Variants in MACROD2 observed in about 807,000 individuals in gnomAD.
MACROD2 encodes the protein mono-ADP ribosylhydrolase 2.
MACROD2 carries 36 observed loss-of-function variants against 70.4 expected under a neutral mutation model. The observed-to-expected ratio is 0.51, with a 90% confidence interval of 0.39 to 0.68. MACROD2 has a LOEUF of 0.68. MACROD2 is among the 30% of genes least tolerant of loss of function. MACROD2 has a pLI of 0.00. For missense variants in MACROD2, 496 were observed against 538.4 expected (o/e 0.92, Z 0.78); for synonymous variants, 172 against 178.8 (o/e 0.96, Z 0.30).
chr20:15,875,661 G>C (rs767448806), intron 9 of MACROD2, among the ~76,000 whole-genome samples: 1 of 151,896 alleles, frequency 6.6e-6, no homozygotes. Context: ...CCCTTCCAAC[G>C]GAGGGGAGTG....
chr20:15,272,648 A>G (rs1263352187), intron 6 of MACROD2, among the ~76,000 whole-genome samples: 1 of 152,166 alleles, frequency 6.6e-6, no homozygotes, highest in Non-Finnish European at 1.5e-5. Context: ...ATTTACATTT[A>G]TTACGTGGAT....
chr20:15,206,347 T>C (rs927573838), intron 5 of MACROD2, among the ~76,000 whole-genome samples: 30 of 152,184 alleles, frequency 2.0e-4, no homozygotes, highest in Admixed American at 6.5e-5. Context: ...TTGAAAATCA[T>C]AGGTTGGAAC....
intron 9 of MACROD2, among the ~76,000 whole-genome samples, chr20:15,876,707 T>G (rs562664671): frequency 8.5e-5 from 13 of 152,324 alleles, no homozygotes; most frequent in South Asian, 2.1e-4. Flanking sequence ...CCACAATGGT[T>G]GAACTAGTTT....
chr20:15,257,413 T>C (rs556629369), intron 6 of MACROD2, among the ~76,000 whole-genome samples: 2 of 152,224 alleles, frequency 1.3e-5, no homozygotes, highest in Admixed American at 6.5e-5. Context: ...TATCAAGTGC[T>C]AGGCACCCAT....
intron 5 of MACROD2, among the ~76,000 whole-genome samples, chr20:15,191,137 A>G (rs1418165489): frequency 6.6e-6 from 1 of 152,202 alleles, no homozygotes; most frequent in Admixed American, 6.5e-5. Context: ...AGAGTGAGAC[A>G]GTGAAGCCTG....
At chr20:14,157,205 G>A (rs77622941) in intron 3 of MACROD2, among the ~76,000 whole-genome samples, 1,987 of 152,248 alleles carry the variant, frequency 0.013, 16 homozygotes, top group South Asian at 0.037. Context: ...GCAAGGTATA[G>A]TAGCGCTGAA....
intron 3 of MACROD2, among the ~76,000 whole-genome samples, chr20:14,339,181 T>C (rs2082986614): frequency 1.3e-5 from 2 of 152,204 alleles, no homozygotes; most frequent in Admixed American, 6.5e-5. Context: ...ATGGGTGATA[T>C]CAAAGTAGGT....
Position 14,482,685 on chromosome 20 carries a change from T to C in MACROD2, c.272-10794T>C, listed in dbSNP as rs546785904. ...AGAAGAAAAGGAAACATACGTTCCA[T>C]TGAATTTTCATTAATTTATTGTAAG... On this transcript the variant is annotated intron_variant, in intron 3 of 17. Coordinates refer to ENST00000684519, the MANE Select transcript of MACROD2 (RefSeq NM_001351661.2). Among the ~76,000 whole-genome samples the C allele has an allele frequency of 4.5e-4, 69 of 152,248 alleles. No individual in the cohort carries two copies. In the South Asian group the frequency reaches 0.011, roughly 25 times the overall value.
intron 5 of MACROD2, among the ~76,000 whole-genome samples, chr20:14,823,519 C>T (rs1241193846): frequency 6.6e-6 from 1 of 151,994 alleles, no homozygotes; most frequent in Admixed American, 6.6e-5. Context: ...CTCAAGGTTG[C>T]CTCATGGTTC....
intron 8 of MACROD2, among the ~76,000 whole-genome samples, chr20:15,610,989 A>ATATTTTTTT (rs1600665066): frequency 1.3e-5 from 1 of 79,878 alleles, no homozygotes; most frequent in Non-Finnish European, 2.4e-5. Context: ...TTAGCCAAAA[A>ATATTTTTTT]TCTTTTTTTT....
At chr20:15,129,690 C>G (rs566140219) in intron 5 of MACROD2, among the ~76,000 whole-genome samples, 1 of 152,102 alleles carries the variant, frequency 6.6e-6, no homozygotes. Flanking sequence ...TTTGCTCTCT[C>G]TTACGACTGA....
At chr20:15,098,123 C>T (rs1408449896) in intron 5 of MACROD2, among the ~76,000 whole-genome samples, 1 of 152,154 alleles carries the variant, frequency 6.6e-6, no homozygotes, top group Non-Finnish European at 1.5e-5. Flanking sequence ...GATCTGGTTT[C>T]ATGGCACGAG....
At chr20:15,393,412 C>T (rs566721650) in intron 6 of MACROD2, among the ~76,000 whole-genome samples, 4 of 152,284 alleles carry the variant, frequency 2.6e-5, no homozygotes, top group African/African-American at 9.6e-5. Context: ...CTTCCAGTCA[C>T]GTGTGCTCAA....
At position 15,891,383 on chromosome 20, in the gene MACROD2, TG is replaced by T. The variant is rs1321435852; in HGVS notation, c.775+5574del. 5.3e-5 allele frequency among the ~76,000 whole-genome samples: 8 copies of T among 152,186 alleles called. No individual in the cohort carries two copies. The East Asian group carries it at 1.2e-3, about 22-fold the overall frequency. On this transcript the variant is annotated intron_variant, in intron 10 of 17. Transcript: ENST00000684519. Reference sequence around the variant, plus strand: ...CCCCAATGACATGCTGTGCTAGGCCTGGAATTGGATTTGGATCTTATTCTAA... The same window carrying T: ...CCCCAATGACATGCTGTGCTAGGCCTGAATTGGATTTGGATCTTATTCTAA...
At chr20:14,051,750 A>G in intron 2 of MACROD2, 1 of 432,448 alleles carries the variant, frequency 2.3e-6, no homozygotes, top group Non-Finnish European at 4.6e-6. Context: ...TTGAGTTGAG[A>G]TTAGGAATTG....
In MACROD2 at chr20:15,862,901, T is replaced by A. The variant is rs554549527; in HGVS notation, c.727+75T>A. 3 of 1,112,530 alleles carry A rather than the reference T, an allele frequency of 2.7e-6. No homozygotes were observed. The East Asian group carries it at 7.2e-5, about 27-fold the overall frequency. The allele number at this position is 1,112,530 out of a possible 1,614,324, so 68.9% of individuals were successfully genotyped here. On this transcript the variant is annotated intron_variant, in intron 9 of 17. Coordinates refer to ENST00000684519, the MANE Select transcript of MACROD2 (RefSeq NM_001351661.2). ...GGAGCCGTCACTTCTATTCCTATTG[T>A]TTTTCATCTTCAGGACTGTTACACA...
At chr20:15,129,053 TTTG>T (rs1181043081) in intron 5 of MACROD2, among the ~76,000 whole-genome samples, 16 of 152,092 alleles carry the variant, frequency 1.1e-4, no homozygotes, top group Admixed American at 3.3e-4. Flanking sequence ...TCTCTCCTAT[TTTG>T]TTTTAACATT....
chr20:14,539,558 C>T (rs993797204), intron 4 of MACROD2, among the ~76,000 whole-genome samples: 5 of 151,750 alleles, frequency 3.3e-5, no homozygotes, highest in Non-Finnish European at 5.9e-5. Context: ...CATTTCTGCA[C>T]AGGTAAATAT....
intron 15 of MACROD2, among the ~76,000 whole-genome samples, chr20:16,004,816 G>A (rs1211146513): frequency 6.6e-6 from 1 of 152,108 alleles, no homozygotes; most frequent in African/African-American, 2.4e-5. Context: ...TCTTTCTCTT[G>A]GCCCCAGCAC....
Sources: allele counts gnomAD v4.1 joint callset (sites outside exome capture counted in the v4.1 genomes callset), GRCh38; gene constraint gnomAD v4.1.1; transcripts MANE v1.5; gene names NCBI Gene and HGNC (gene_info 2026-07-23, HGNC 2026-07-21).